APMAP: variants seen among roughly 807,000 people sequenced by gnomAD.
The protein encoded by APMAP is adipocyte plasma membrane associated protein, also known as adipocyte plasma membrane-associated protein.
In APMAP, 33 loss-of-function variants were observed where a neutral mutation model predicts 43.6. The observed-to-expected ratio is 0.76, with a 90% confidence interval of 0.57 to 1.01. The LOEUF (loss-of-function observed/expected upper bound fraction) is 1.01, where lower values mean the gene tolerates loss of function less well. Among genes scored for constraint, APMAP ranks in the 50% least tolerant of loss-of-function variants. APMAP has a pLI of 0.00. For synonymous variants in APMAP, 224 were observed against 216.7 expected (o/e 1.03, Z -0.30); for missense variants, 498 against 540.7 (o/e 0.92, Z 0.78).
chr20:24,978,097 A>C (rs116745903), intron 3 of APMAP, among the ~76,000 whole-genome samples: 1 of 152,254 alleles, frequency 6.6e-6, no homozygotes, highest in Non-Finnish European at 1.5e-5. Flanking sequence ...AACAAGCGGC[A>C]CTTCCAAAGA....
intron 6 of APMAP, among the ~76,000 whole-genome samples, 191 bp from the exon 7 acceptor site, chr20:24,969,851 T>A (rs1042449192): frequency 2.0e-5 from 3 of 152,198 alleles, no homozygotes; most frequent in Non-Finnish European, 4.4e-5. Flanking sequence ...CAGTGTCCCC[T>A]CCAGGGAACC....
In APMAP at chr20:24,976,017, C is replaced by T. The variant is rs552325737; in HGVS notation, c.329-2280G>A. Among the ~76,000 whole-genome samples the T allele has an allele frequency of 2.3e-3, 357 of 152,138 alleles. 1 individual carries two copies. Among genetic ancestry groups the T allele is most frequent in the African/African-American group, 8.4e-3 (350 of 41,506 alleles). ...ATAAATCTAGACACAAACCTTATAC[C>T]CTTCACAAAAATGGAATTCAAAATG... On this transcript the variant is annotated intron_variant, in intron 3 of 8. Coordinates refer to ENST00000217456, the MANE Select transcript of APMAP (RefSeq NM_020531.3).
At chr20:24,986,400 C>T (rs114548955) in intron 1 of APMAP, among the ~76,000 whole-genome samples, 2,827 of 152,280 alleles carry the variant, frequency 0.019, 84 homozygotes, top group African/African-American at 0.064. Context: ...GGGAGCCCAG[C>T]TCCTGGAAGA....
At chr20:24,980,540 A>T (rs1250156104) in intron 2 of APMAP, among the ~76,000 whole-genome samples, 1 of 150,434 alleles carries the variant, frequency 6.6e-6, no homozygotes, top group Non-Finnish European at 1.5e-5. Flanking sequence ...CATGGTCAAG[A>T]GGCTATGCCA....
intron 8 of APMAP, among the ~76,000 whole-genome samples, chr20:24,965,226 G>A (rs1177074562): frequency 6.6e-6 from 1 of 152,184 alleles, no homozygotes; most frequent in Non-Finnish European, 1.5e-5. Context: ...TGCCCTACAA[G>A]CCCAGCTGCC....
intron 1 of APMAP, among the ~76,000 whole-genome samples, chr20:24,985,029 G>C (rs1361757457): frequency 1.3e-5 from 2 of 152,320 alleles, no homozygotes; most frequent in East Asian, 1.9e-4. Flanking sequence ...GGCAGGGTTT[G>C]ATTTTTGACA....
In APMAP at chr20:24,968,441, G is replaced by C. The variant is rs189437244; in HGVS notation, c.1041+451C>G. Among the ~76,000 whole-genome samples, 4 of 152,320 alleles carry C rather than the reference G, an allele frequency of 2.6e-5. 1 individual carries two copies. The East Asian group carries it at 5.8e-4, about 22-fold the overall frequency. On this transcript the variant is annotated intron_variant, in intron 8 of 8. Transcript: ENST00000217456. ...CAGCTGTGGTGACTAGGTTACAGGG[G>C]TGGCCACACCTGCAGGGAGGGGAGG...
At chr20:24,980,832 A>G (rs1364703479) in intron 2 of APMAP, among the ~76,000 whole-genome samples, 1 of 149,264 alleles carries the variant, frequency 6.7e-6, no homozygotes, top group African/African-American at 2.5e-5. Flanking sequence ...CCATGCCACG[A>G]TGACAAGCAG....
rs1208361371 is a variant in APMAP at position 24,970,136 on chromosome 20, G to A, written c.713+61C>T. On this transcript the variant is annotated intron_variant, in intron 6 of 8. Transcript: ENST00000217456. ...TTGGTCCCTAGAAGTAACAGGCTCT[G>A]CTGAAGCAACTGGCCTGGCTGGTGA... 9 of 1,586,298 alleles carry A rather than the reference G, an allele frequency of 5.7e-6. No individual in the cohort carries two copies. In the East Asian group the frequency reaches 1.3e-4, roughly 24 times the overall value.
intron 4 of APMAP, 84 bp from the exon 5 acceptor site, chr20:24,971,660 C>T: frequency 9.2e-7 from 1 of 1,081,086 alleles, no homozygotes; most frequent in South Asian, 1.3e-5. Context: ...CTCATCCATC[C>T]CTTCCCATAC....
intron 8 of APMAP, among the ~76,000 whole-genome samples, chr20:24,965,408 T>C (rs1012046094): frequency 2.6e-5 from 4 of 152,180 alleles, no homozygotes; most frequent in Middle Eastern, 3.2e-3. Context: ...ACTACATCAC[T>C]CCCCTCCTAA....
At chr20:24,972,798 T>TGA (rs151093164) in intron 4 of APMAP, among the ~76,000 whole-genome samples, 14 of 151,650 alleles carry the variant, frequency 9.2e-5, no homozygotes, top group African/African-American at 3.4e-4. Flanking sequence ...TCACCATGGG[T>TGA]GATCACTCCA....
chr20:24,975,721 T>C (rs2088045124), intron 3 of APMAP, among the ~76,000 whole-genome samples: 1 of 152,154 alleles, frequency 6.6e-6, no homozygotes, highest in Non-Finnish European at 1.5e-5. Flanking sequence ...TCCAATACAA[T>C]ATTGAAGGAA....
chr20:24,992,345 G>A (rs545882429), intron 1 of APMAP, among the ~76,000 whole-genome samples: 35 of 152,356 alleles, frequency 2.3e-4, no homozygotes, highest in Middle Eastern at 6.8e-3. Flanking sequence ...GGTCCGGAGA[G>A]CCGAGGACAA....
rs112422995 is a variant in APMAP, at chr20:24,966,874, T to C, written c.1041+2018A>G. Among the ~76,000 whole-genome samples, 931 of 152,262 alleles carry C rather than the reference T, an allele frequency of 6.1e-3. 15 individuals are homozygous for C. Among genetic ancestry groups the C allele is most frequent in the African/African-American group, 0.022 (908 of 41,532 alleles). On this transcript the variant is annotated intron_variant, in intron 8 of 8. Transcript: ENST00000217456. Reference sequence around the variant, plus strand: ...AATGAAGGAGAATGTGCCAAACACATGCTCAGGCATCTGCAGTGAGTGACA... The same window carrying C: ...AATGAAGGAGAATGTGCCAAACACACGCTCAGGCATCTGCAGTGAGTGACA...
intron 3 of APMAP, among the ~76,000 whole-genome samples, chr20:24,976,364 C>T (rs2088050153): frequency 6.6e-6 from 1 of 152,014 alleles, no homozygotes; most frequent in African/African-American, 2.4e-5. Context: ...ATGAACAACC[C>T]AATTACAAAA....
Position 24,971,493 on chromosome 20 carries a change from A to T in APMAP, c.505T>A (p.Tyr169Asn), listed in dbSNP as rs1444975834. 2 of 1,614,198 alleles carry T rather than the reference A, an allele frequency of 1.2e-6. No homozygotes were observed. Among genetic ancestry groups the T allele is most frequent in the Non-Finnish European group, 1.7e-6 (2 of 1,179,998 alleles). ...PNGTLFVADA[Y>N]KGLFEVNPWK... ...GGATTTACTTCAAATAGTCCCTTGT[A>T]TGCATCGGCCACAAAGAGAGTCCCA... Residue 169 changes from tyrosine (Y) to asparagine (N), a missense_variant, in exon 5 of 9, where the codon TAC (tyrosine) becomes AAC (asparagine). Transcript: ENST00000217456.
chr20:24,969,678 C>T lies in APMAP; in HGVS notation c.714-18G>A. ...CCAGCAGGCTGTGGAACACCAAAAG[C>T]AGAGGGTTATGGGGGAGAATCCCTG... On this transcript the variant is annotated intron_variant, in intron 6 of 8. Transcript: ENST00000217456. 2.5e-6 allele frequency: 4 copies of T among 1,603,766 alleles called. No individual in the cohort carries two copies. Among genetic ancestry groups the T allele is most frequent in the Non-Finnish European group, 3.4e-6 (4 of 1,172,332 alleles).
intron 5 of APMAP, among the ~76,000 whole-genome samples, 158 bp from the exon 6 acceptor site, chr20:24,970,529 G>A (rs6050220): frequency 6.6e-6 from 1 of 152,096 alleles, no homozygotes; most frequent in Non-Finnish European, 1.5e-5. Flanking sequence ...AACAGTATTA[G>A]GTGTTAAATG....
Sources: allele counts gnomAD v4.1 joint callset (sites outside exome capture counted in the v4.1 genomes callset), GRCh38; gene constraint gnomAD v4.1.1; transcripts MANE v1.5; gene names NCBI Gene and HGNC (gene_info 2026-07-23, HGNC 2026-07-21).